The following MAPK10 variants were observed in gnomAD, a reference collection of about 807,000 sequenced individuals.
The protein encoded by MAPK10 is JNK3 alpha protein kinase.
MAPK10 carries 25 observed loss-of-function variants against 59.3 expected under a neutral mutation model. The ratio of observed to expected loss-of-function variants is 0.42; its 90% CI spans 0.31 to 0.59. MAPK10 has a LOEUF of 0.59. MAPK10 is among the 20% of genes least tolerant of loss of function. The probability of loss-of-function intolerance (pLI) is 0.15; values close to 1 mark genes in which losing one functional copy is unlikely to be tolerated. For missense variants in MAPK10, 351 were observed against 568.9 expected (o/e 0.62, Z 3.90); for synonymous variants, 190 against 200.5 (o/e 0.95, Z 0.44).
At chr4:86,197,204 T>C (rs1272505167) in intron 2 of MAPK10, among the ~76,000 whole-genome samples, 1 of 152,210 alleles carries the variant, frequency 6.6e-6, no homozygotes, top group Non-Finnish European at 1.5e-5. Context: ...TGGAATGTTT[T>C]TCCATTTGTT....
intron 1 of MAPK10, among the ~76,000 whole-genome samples, chr4:86,564,769 G>C (rs1052987240): frequency 1.3e-5 from 2 of 152,068 alleles, no homozygotes; most frequent in African/African-American, 2.4e-5. Context: ...GGAAAAGGGT[G>C]CATTTTCAGT....
chr4:86,443,925 G>A (rs888591389), intron 1 of MAPK10, among the ~76,000 whole-genome samples: 7 of 151,556 alleles, frequency 4.6e-5, no homozygotes, highest in Non-Finnish European at 2.9e-5. Context: ...TTATAAGGAA[G>A]AATCCAAACA....
intron 3 of MAPK10, among the ~76,000 whole-genome samples, chr4:86,191,021 G>A (rs974721694): frequency 4.0e-4 from 61 of 152,144 alleles, no homozygotes; most frequent in African/African-American, 1.5e-3. Flanking sequence ...TCATTTAGGA[G>A]CAGGTTGTTC....
At chr4:86,468,328 C>G (rs931876062) in intron 1 of MAPK10, among the ~76,000 whole-genome samples, 1 of 152,186 alleles carries the variant, frequency 6.6e-6, no homozygotes, top group Admixed American at 6.5e-5. Flanking sequence ...TCCCCCTCCC[C>G]CTATTGCAAT....
chr4:86,233,474 C>T (rs1295194714), intron 2 of MAPK10, among the ~76,000 whole-genome samples: 3 of 152,142 alleles, frequency 2.0e-5, no homozygotes, highest in Admixed American at 2.0e-4. Flanking sequence ...TTTACTTCTC[C>T]CCAGGCATTA....
chr4:86,216,425 C>T (rs2087650928), intron 2 of MAPK10, among the ~76,000 whole-genome samples: 1 of 151,306 alleles, frequency 6.6e-6, no homozygotes, highest in Non-Finnish European at 1.5e-5. Context: ...CTTAACACTA[C>T]TCAATTGTAC....
At chr4:86,388,141 T>A (rs963696570) in intron 1 of MAPK10, among the ~76,000 whole-genome samples, 5 of 151,786 alleles carry the variant, frequency 3.3e-5, no homozygotes, top group African/African-American at 1.2e-4. Context: ...CCACAATCTG[T>A]GATGTAAGTT....
chr4:86,407,799 G>C (rs1744552434), intron 1 of MAPK10, among the ~76,000 whole-genome samples: 1 of 151,828 alleles, frequency 6.6e-6, no homozygotes, highest in Admixed American at 6.6e-5. Context: ...CATTTGTATG[G>C]CTTTTTTTAA....
chr4:86,103,305 AT>A, intron 5 of MAPK10, 61 bp from the exon 6 acceptor site: 1 of 892,858 alleles, frequency 1.1e-6, no homozygotes, highest in Non-Finnish European at 1.9e-6. Flanking sequence ...AGAATGTATT[AT>A]TTTTAAATTG....
At chr4:86,159,249 T>G (rs761071719) in intron 4 of MAPK10, 49 bp downstream of exon 4, 1 of 1,435,540 alleles carries the variant, frequency 7.0e-7, no homozygotes, top group Non-Finnish European at 9.4e-7. Flanking sequence ...GTCTAGTAGT[T>G]GCACACGGTG....
chr4:86,341,839 G>T (rs1277892151), intron 2 of MAPK10, among the ~76,000 whole-genome samples: 3 of 12,198 alleles, frequency 2.5e-4, no homozygotes, highest in Non-Finnish European at 3.1e-4. Context: ...AAAAAACACC[G>T]GCAGCTACTG....
At chr4:86,508,938 C>A (rs1755999182) in intron 1 of MAPK10, among the ~76,000 whole-genome samples, 1 of 152,140 alleles carries the variant, frequency 6.6e-6, no homozygotes, top group Non-Finnish European at 1.5e-5. Context: ...TAATGGCCAT[C>A]ATGAATATCA....
At chr4:86,423,406 G>A (rs76182190) in intron 1 of MAPK10, among the ~76,000 whole-genome samples, 3,013 of 152,184 alleles carry the variant, frequency 0.02, 56 homozygotes, top group Non-Finnish European at 0.028. Context: ...AAAGAATTTA[G>A]TAATAACAAA....
At chr4:86,303,602 G>C (rs2095508466) in intron 2 of MAPK10, among the ~76,000 whole-genome samples, 1 of 152,176 alleles carries the variant, frequency 6.6e-6, no homozygotes. Flanking sequence ...TGGGGAAATA[G>C]AGAATGCCAC....
chr4:86,537,901 C>T (rs890153820), intron 1 of MAPK10, among the ~76,000 whole-genome samples: 1 of 152,072 alleles, frequency 6.6e-6, no homozygotes, highest in Non-Finnish European at 1.5e-5. Flanking sequence ...TCTTTTCCCA[C>T]CCCTCTTTTG....
chr4:86,408,893 C>T (rs1224515361), intron 1 of MAPK10, among the ~76,000 whole-genome samples: 2 of 152,184 alleles, frequency 1.3e-5, no homozygotes, highest in Non-Finnish European at 2.9e-5. Flanking sequence ...TGTGCAGAAG[C>T]TCTTTAGTTT....
intron 9 of MAPK10, among the ~76,000 whole-genome samples, chr4:86,071,834 C>T (rs2048059127): frequency 6.7e-6 from 1 of 149,084 alleles, no homozygotes; most frequent in African/African-American, 2.5e-5. Context: ...GTGATTCCTC[C>T]AGCTTTGTTC....
At chr4:86,077,666 G>T (rs965570568) in intron 9 of MAPK10, among the ~76,000 whole-genome samples, 1 of 152,050 alleles carries the variant, frequency 6.6e-6, no homozygotes, top group African/African-American at 2.4e-5. Flanking sequence ...TTTGTACTCT[G>T]CTCTAGGCCT....
intron 3 of MAPK10, among the ~76,000 whole-genome samples, chr4:86,178,213 G>GT (rs574327214): frequency 7.1e-4 from 108 of 151,574 alleles, no homozygotes; most frequent in African/African-American, 2.5e-3. Flanking sequence ...TTTAATCATA[G>GT]TTTTTTTGTT....
Sources: allele counts gnomAD v4.1 joint callset (sites outside exome capture counted in the v4.1 genomes callset), GRCh38; gene constraint gnomAD v4.1.1; transcripts MANE v1.5; gene names NCBI Gene and HGNC (gene_info 2026-07-23, HGNC 2026-07-21).